The following FREM1 variants were observed in gnomAD, a reference collection of about 807,000 sequenced individuals.
The protein encoded by FREM1 is FRAS1 related extracellular matrix 1.
In FREM1, 220 loss-of-function variants were observed where a neutral mutation model predicts 210.1. The observed-to-expected ratio is 1.05, with a 90% CI of 0.94 to 1.17. FREM1 has a LOEUF of 1.17. Ranked by LOEUF, FREM1 falls within the 50% of genes most tolerant of loss-of-function variation. The probability of loss-of-function intolerance (pLI) is 0.00; values close to 1 mark genes in which losing one functional copy is unlikely to be tolerated. For missense variants in FREM1, 3,454 were observed against 2,675.5 expected (o/e 1.29, Z -6.42); for synonymous variants, 1,189 against 980.2 (o/e 1.21, Z -3.98).
At chr9:14,826,957 C>T (rs571283263) in intron 10 of FREM1, among the ~76,000 whole-genome samples, 1 of 152,292 alleles carries the variant, frequency 6.6e-6, no homozygotes, top group South Asian at 2.1e-4. Flanking sequence ...ATTATTTATA[C>T]ATTACCCAGT....
chr9:14,807,937 C>T lies in FREM1; in HGVS notation c.3088+3G>A. ...GTACTGGAACAAAAAAACACATTGT[C>T]ACCTATTGCAATGGAAGGTGGCTGG... On this transcript the variant is annotated splice_donor_region_variant and intron_variant, in intron 17 of 36. Transcript: ENST00000380880. 1 of 1,606,488 alleles carries T rather than the reference C, an allele frequency of 6.2e-7. No homozygotes were observed. Among genetic ancestry groups the T allele is most frequent in the Non-Finnish European group, 8.5e-7 (1 of 1,173,938 alleles).
chr9:14,770,827 T>C lies in FREM1; in HGVS notation c.4858-21A>G, dbSNP rs7860370. The C allele has an allele frequency of 0.18, 281,155 of 1,582,036 alleles. 26,428 individuals carry two copies. Among genetic ancestry groups the C allele is most frequent in the South Asian group, 0.24 (20,824 of 88,506 alleles). On this transcript the variant is annotated intron_variant, in intron 25 of 36. Coordinates refer to ENST00000380880, the MANE Select transcript of FREM1 (RefSeq NM_001379081.2). Reference sequence around the variant, plus strand: ...TCTACCTGGATCATCAACAATGACATAAAATGTTGTCCAAAGGCCCCTCAC... The same window carrying C: ...TCTACCTGGATCATCAACAATGACACAAAATGTTGTCCAAAGGCCCCTCAC...
intron 5 of FREM1, 106 bp from the exon 6 acceptor site, chr9:14,851,713 C>A: frequency 2.2e-6 from 2 of 922,072 alleles, no homozygotes; most frequent in South Asian, 2.7e-5. Flanking sequence ...TAGCGTCTAG[C>A]AGTGACCTGA....
chr9:14,842,394 C>T lies in FREM1; in HGVS notation c.1660G>A (p.Asp554Asn). 6.2e-7 allele frequency: 1 copy of T among 1,613,596 alleles called. No homozygotes were observed. Among genetic ancestry groups the T allele is most frequent in the Non-Finnish European group, 8.5e-7 (1 of 1,179,520 alleles). The change falls in exon 9 of 37, where the codon GAT becomes AAT. Residue 554 changes from aspartate to asparagine, a missense_variant. Coordinates refer to ENST00000380880, the MANE Select transcript of FREM1 (RefSeq NM_001379081.2). ...MLRASDVDAS[D>N]DYIFFNITKP... is the part of the protein sequence containing the mutation. ...GTGATATTGAAGAAGATGTAGTCAT[C>T]ACTGGCGTCCACATCTGAAGCTCGC...
intron 23 of FREM1, 28 bp from the exon 24 acceptor site, chr9:14,784,662 T>A: frequency 6.8e-7 from 1 of 1,468,612 alleles, no homozygotes; most frequent in African/African-American, 1.4e-5. Context: ...TTATGGTCAA[T>A]AATCATATCA....
chr9:14,850,072 T>A (rs1293844086), intron 6 of FREM1, among the ~76,000 whole-genome samples: 1 of 152,216 alleles, frequency 6.6e-6, no homozygotes, highest in Non-Finnish European at 1.5e-5. Context: ...ATCATTTTCC[T>A]TAATAAACCT....
At chr9:14,848,942 A>G (rs1827176030) in intron 6 of FREM1, among the ~76,000 whole-genome samples, 169 bp from the exon 7 acceptor site, 1 of 152,220 alleles carries the variant, frequency 6.6e-6, no homozygotes, top group Non-Finnish European at 1.5e-5. Flanking sequence ...TTCAGGTTCT[A>G]GATCTTGTTC....
At chr9:14,803,215 C>G (rs900924956) in intron 19 of FREM1, among the ~76,000 whole-genome samples, 16 of 128,430 alleles carry the variant, frequency 1.2e-4, no homozygotes, top group African/African-American at 4.3e-4. Flanking sequence ...TCTTCTTTCT[C>G]TTTTCTTTCT....
chr9:14,788,905 A>T lies in FREM1; in HGVS notation c.4177+14T>A. The T allele has an allele frequency of 6.2e-7, 1 of 1,604,166 alleles. No individual in the cohort carries two copies. Among genetic ancestry groups the T allele is most frequent in the Non-Finnish European group, 8.5e-7 (1 of 1,174,884 alleles). On this transcript the variant is annotated intron_variant, in intron 23 of 36. Coordinates refer to ENST00000380880, the MANE Select transcript of FREM1 (RefSeq NM_001379081.2). Reference sequence around the variant, plus strand: ...AAAGTTGATCCCAGTAAACCTTGGTAGACGTGCTTTTACCTTTTTCCATGT... The same window carrying T: ...AAAGTTGATCCCAGTAAACCTTGGTTGACGTGCTTTTACCTTTTTCCATGT...
At chr9:14,832,510 G>A (rs1444451392) in intron 10 of FREM1, among the ~76,000 whole-genome samples, 1 of 152,244 alleles carries the variant, frequency 6.6e-6, no homozygotes, top group African/African-American at 2.4e-5. Flanking sequence ...CCAATAGGAA[G>A]AGAGGCAATA....
At chr9:14,773,605 AT>A (rs60938956) in intron 25 of FREM1, among the ~76,000 whole-genome samples, 4,456 of 143,472 alleles carry the variant, frequency 0.031, 120 homozygotes, top group Admixed American at 0.086. Context: ...ACACGTAATG[AT>A]TTTTTTTTTT....
In FREM1 at chr9:14,823,255, G is replaced by A. The variant is rs755780105; in HGVS notation, c.2242C>T (p.Gln748Ter). The A allele has an allele frequency of 6.2e-7, 1 of 1,613,814 alleles. No individual in the cohort carries two copies. The highest frequency in any genetic ancestry group is 8.5e-7 in the Non-Finnish European group (1 of 1,179,754). ...TGGTTACTGACAGAAAATGTGAACT[G>A]GACATCTCTGCAATGGGGACCAATG... ...QDIGPHCRDV[Q>*]FTFSVSNQHG... The change falls in exon 13 of 37, where the codon CAG becomes TAG. Residue 748 changes from glutamine (Q) to a stop codon, truncating the protein, a stop_gained. Transcript: ENST00000380880. LOFTEE classifies it high-confidence loss of function.
intron 24 of FREM1, chr9:14,782,413 T>G: frequency 1.1e-6 from 1 of 895,652 alleles, no homozygotes; most frequent in Non-Finnish European, 1.3e-6. Flanking sequence ...TCCTGTGTTC[T>G]CCAGCAAGGT....
chr9:14,817,649 T>C (rs1229378924), intron 14 of FREM1, among the ~76,000 whole-genome samples: 3 of 152,266 alleles, frequency 2.0e-5, no homozygotes, highest in South Asian at 2.1e-4. Flanking sequence ...AAATAAAAGT[T>C]GTATTAAAAA....
chr9:14,769,972 C>T, intron 26 of FREM1, 104 bp from the exon 27 acceptor site: 1 of 574,906 alleles, frequency 1.7e-6, no homozygotes, highest in South Asian at 2.8e-5. Flanking sequence ...CTTTAAAAAA[C>T]AGCTAAAGTA....
intron 1 of FREM1, among the ~76,000 whole-genome samples, chr9:14,871,466 T>C (rs900699574): frequency 1.5e-3 from 222 of 152,286 alleles, no homozygotes; most frequent in Non-Finnish European, 2.1e-3. Flanking sequence ...TTGAGAAGTG[T>C]CTGTTCATAT....
intron 6 of FREM1, among the ~76,000 whole-genome samples, chr9:14,850,704 T>C (rs1205178025): frequency 6.6e-6 from 1 of 152,136 alleles, no homozygotes; most frequent in Non-Finnish European, 1.5e-5. Flanking sequence ...ATCCTGCACA[T>C]GTACCCCAGA....
At chr9:14,875,651 G>A (rs984161774) in intron 1 of FREM1, among the ~76,000 whole-genome samples, 21 of 151,928 alleles carry the variant, frequency 1.4e-4, no homozygotes, top group South Asian at 4.2e-4. Flanking sequence ...TAGTTTGATC[G>A]TCTGAAGCCT....
At chr9:14,894,685 T>C (rs1302129127) in intron 1 of FREM1, among the ~76,000 whole-genome samples, 2 of 152,234 alleles carry the variant, frequency 1.3e-5, no homozygotes, top group African/African-American at 4.8e-5. Context: ...TATTAAGCTA[T>C]TTACAGCTTT....
Sources: gnomAD v4.1 joint callset for allele counts (sites outside exome capture counted in the v4.1 genomes callset) on GRCh38, gnomAD v4.1.1 for gene constraint, MANE v1.5 for transcripts, NCBI Gene and HGNC (gene_info 2026-07-23, HGNC 2026-07-21) for gene names.